ERCC6L2: variants seen among roughly 807,000 people sequenced by gnomAD.
ERCC6L2 encodes the protein DNA excision repair protein ERCC-6-like 2.
Under a neutral mutation model 132.0 loss-of-function variants are expected in ERCC6L2, and 77 were observed. The ratio of observed to expected loss-of-function variants is 0.58; its 90% confidence interval spans 0.49 to 0.71. The LOEUF (loss-of-function observed/expected upper bound fraction) is 0.71. Among genes scored for constraint, ERCC6L2 ranks in the 30% least tolerant of loss-of-function variants. ERCC6L2 has a pLI of 0.00. For missense variants in ERCC6L2, 1,542 were observed against 1,837.6 expected, an observed-to-expected ratio of 0.84 and a Z score of 2.94; for synonymous variants, 583 against 632.4, an observed-to-expected ratio of 0.92 and a Z score of 1.17.
intron 17 of ERCC6L2, among the ~76,000 whole-genome samples, chr9:95,978,606 A>G (rs966031981): frequency 1.5e-4 from 23 of 152,356 alleles, no homozygotes; most frequent in African/African-American, 5.5e-4. Context: ...ACCAACATAG[A>G]AAACTCATTT....
chr9:95,935,114 C>T (rs1358932732), intron 11 of ERCC6L2, among the ~76,000 whole-genome samples: 1 of 152,032 alleles, frequency 6.6e-6, no homozygotes, highest in Admixed American at 6.6e-5. Flanking sequence ...CTTTGAAGAG[C>T]AGTATAATGC....
chr9:95,985,291 G>T (rs1404020676), intron 17 of ERCC6L2, among the ~76,000 whole-genome samples: 1 of 152,190 alleles, frequency 6.6e-6, no homozygotes, highest in South Asian at 2.1e-4. Context: ...CTACCACTTA[G>T]CCGTGGGCAG....
intron 17 of ERCC6L2, among the ~76,000 whole-genome samples, chr9:95,999,501 A>G (rs948946816): frequency 3.3e-5 from 5 of 152,236 alleles, no homozygotes; most frequent in Admixed American, 3.3e-4. Context: ...TATAAAACCA[A>G]TTTAAGAAAA....
chr9:95,875,982 C>A lies in ERCC6L2; in HGVS notation c.-57C>A. On this transcript the variant is annotated 5_prime_UTR_variant, in exon 1 of 19. Coordinates refer to ENST00000653738, the MANE Select transcript of ERCC6L2 (RefSeq NM_020207.7). ...GCCTGCCGGCCAGCCACCTTGCTGT[C>A]CTCCGCCGCCTTCCGGGTGTTACAT... is the stretch of plus-strand genomic sequence containing the variant. 1 of 1,548,556 alleles carries A rather than the reference C, an allele frequency of 6.5e-7. No homozygotes were observed. Among genetic ancestry groups the A allele is most frequent in the Non-Finnish European group, 8.7e-7 (1 of 1,145,974 alleles).
chr9:95,908,338 A>AT (rs770461704), intron 4 of ERCC6L2, among the ~76,000 whole-genome samples: 5 of 151,996 alleles, frequency 3.3e-5, no homozygotes, highest in Non-Finnish European at 5.9e-5. Flanking sequence ...AGAGAAAGAG[A>AT]CACCAAGGAC....
At position 95,964,538 on chromosome 9, in the gene ERCC6L2, G is replaced by A. The variant is rs142947470; in HGVS notation, c.1948-2024G>A. Among the ~76,000 whole-genome samples the A allele has an allele frequency of 2.5e-3, 379 of 152,268 alleles. 1 individual carries two copies. The highest frequency in any genetic ancestry group is 8.4e-3 in the African/African-American group (350 of 41,544). On this transcript the variant is annotated intron_variant, in intron 13 of 18. Transcript: ENST00000653738. ...CTCTGACCCTACTGCCTAATAACCC[G>A]TGGTAAGGAAGCAAAGGGTCAGAGA...
downstream of ERCC6L2, chr9:96,020,381 A>G (rs756774300): frequency 4.7e-6 from 1 of 212,938 alleles, no homozygotes; most frequent in Non-Finnish European, 9.5e-6. Flanking sequence ...GGAGTTCTGA[A>G]ATACACACCC....
At chr9:95,965,189 G>A (rs1832096575) in intron 13 of ERCC6L2, among the ~76,000 whole-genome samples, 1 of 152,038 alleles carries the variant, frequency 6.6e-6, no homozygotes, top group Non-Finnish European at 1.5e-5. Context: ...TGAGAAATTA[G>A]TTAATAGTAT....
chr9:95,977,299 G>T (rs1832713433), intron 16 of ERCC6L2, among the ~76,000 whole-genome samples: 3 of 152,170 alleles, frequency 2.0e-5, no homozygotes, highest in Admixed American at 1.3e-4. Context: ...TTTTGTGTTT[G>T]CATGATTGGC....
At chr9:96,011,538 C>G (rs186123952) in intron 18 of ERCC6L2, among the ~76,000 whole-genome samples, 1 of 152,316 alleles carries the variant, frequency 6.6e-6, no homozygotes, top group East Asian at 1.9e-4. Flanking sequence ...CTCTATCTTA[C>G]CAAGGTTCTT....
In ERCC6L2 at chr9:95,919,479, G is replaced by A. The variant is rs145684577; in HGVS notation, c.1159-1696G>A. Reference sequence around the variant, plus strand: ...GAACCCCATGAGTTCAACATCAAAGGCGTCAAAGTGGTCCACTTGCCCCCA... The same window carrying A: ...GAACCCCATGAGTTCAACATCAAAGACGTCAAAGTGGTCCACTTGCCCCCA... On this transcript the variant is annotated intron_variant, in intron 6 of 18. Transcript: ENST00000653738. 8.5e-5 allele frequency among the ~76,000 whole-genome samples: 13 copies of A among 152,168 alleles called. No individual in the cohort carries two copies. In the East Asian group the frequency reaches 2.5e-3, roughly 29 times the overall value.
chr9:96,037,655 G>A (rs976737788), intron 19 of ERCC6L2, among the ~76,000 whole-genome samples: 1 of 152,120 alleles, frequency 6.6e-6, no homozygotes, highest in Non-Finnish European at 1.5e-5. Context: ...TGGGAGCAGG[G>A]CCAGGGAATA....
chr9:95,971,412 T>G (rs959378948), intron 15 of ERCC6L2: 1 of 152,214 alleles, frequency 6.6e-6, no homozygotes, highest in Non-Finnish European at 1.5e-5. Flanking sequence ...TTTAAATTTG[T>G]AGCAAATTTT....
chr9:96,004,378 A>G, intron 17 of ERCC6L2, 142 bp from the exon 18 acceptor site: 1 of 414,132 alleles, frequency 2.4e-6, no homozygotes, highest in East Asian at 7.2e-5. Context: ...ACCTAGGTTA[A>G]TATCTTCTGA....
intron 12 of ERCC6L2, among the ~76,000 whole-genome samples, chr9:95,943,034 C>T (rs1477933820): frequency 6.6e-6 from 1 of 152,038 alleles, no homozygotes; most frequent in Non-Finnish European, 1.5e-5. Context: ...AGAATGACAA[C>T]AGAATTGTCA....
chr9:95,938,660 T>C (rs1830664372), intron 11 of ERCC6L2, among the ~76,000 whole-genome samples: 1 of 152,118 alleles, frequency 6.6e-6, no homozygotes, highest in South Asian at 2.1e-4. Context: ...TCTTTAATAA[T>C]TGCCTGGTAT....
Position 95,875,710 on chromosome 9 carries a change from G to C in ERCC6L2, c.-329G>C. 2.4e-6 allele frequency: 1 copy of C among 415,884 alleles called. No homozygotes were observed. The allele number at this position is 415,884 out of a possible 1,614,324, so 25.8% of individuals were successfully genotyped here. ...GAAGTCAGAGCCTAGGAAGATTTGG[G>C]GGTCGCCTTGCCGGCCTCCTGTCCT... is the stretch of plus-strand genomic sequence containing the variant. On this transcript the variant is annotated 5_prime_UTR_variant, in exon 1 of 19. Transcript: ENST00000653738.
At position 95,966,722 on chromosome 9, in the gene ERCC6L2, C is replaced by T. The variant is rs1456026172; in HGVS notation, c.2100+8C>T. 1.4e-6 allele frequency: 2 copies of T among 1,428,106 alleles called. No individual in the cohort carries two copies. Among genetic ancestry groups the T allele is most frequent in the Non-Finnish European group, 1.9e-6 (2 of 1,072,210 alleles). The allele number at this position is 1,428,106 out of a possible 1,614,324, so 88.5% of individuals were successfully genotyped here. ...ACGAAGGACATCCTGGAGGTGTGAA[C>T]TTCTTCTCTGACCTTTTCAATAATA... On this transcript the variant is annotated splice_region_variant and intron_variant, in intron 14 of 18. Transcript: ENST00000653738.
intron 17 of ERCC6L2, among the ~76,000 whole-genome samples, chr9:95,982,002 C>G (rs1832913581): frequency 6.6e-6 from 1 of 152,146 alleles, no homozygotes; most frequent in Non-Finnish European, 1.5e-5. Flanking sequence ...GAAACTATAT[C>G]TGTATTTTTA....
Sources: gnomAD v4.1 joint callset for allele counts (sites outside exome capture counted in the v4.1 genomes callset) on GRCh38, gnomAD v4.1.1 for gene constraint, MANE v1.5 for transcripts, NCBI Gene and HGNC (gene_info 2026-07-23, HGNC 2026-07-21) for gene names.